Variants in SGK1 observed in about 807,000 individuals in gnomAD.
SGK1 encodes serine/threonine-protein kinase Sgk1.
In SGK1, 26 loss-of-function variants were observed where a neutral mutation model predicts 64.2. The observed-to-expected ratio is 0.40, with a 90% confidence interval of 0.30 to 0.56. The LOEUF is 0.56. Among genes scored for constraint, SGK1 ranks in the 20% least tolerant of loss-of-function variants. The pLI is 0.38. For missense variants in SGK1, 519 were observed against 645.6 expected (o/e 0.80, Z 2.12); for synonymous variants, 265 against 239.7 (o/e 1.11, Z -0.98).
intron 2 of SGK1, among the ~76,000 whole-genome samples, chr6:134,225,116 G>A (rs1460473976): frequency 6.6e-6 from 1 of 151,624 alleles, no homozygotes; most frequent in Non-Finnish European, 1.5e-5. Context: ...TTGGGAGGCC[G>A]AGGCAGGTGG....
chr6:134,294,693 C>T (rs1032784120), intron 1 of SGK1, among the ~76,000 whole-genome samples: 31 of 152,160 alleles, frequency 2.0e-4, no homozygotes, highest in Non-Finnish European at 3.7e-4. Context: ...CACCACCCCC[C>T]CAACCAGCTA....
chr6:134,303,746 T>TG (rs1027632753), intron 1 of SGK1, among the ~76,000 whole-genome samples: 4 of 150,494 alleles, frequency 2.7e-5, no homozygotes, highest in African/African-American at 9.8e-5. Context: ...ATCCAGCCAC[T>TG]GGACTCCAGC....
At chr6:134,264,721 C>A (rs912107594) in intron 1 of SGK1, among the ~76,000 whole-genome samples, 1 of 152,086 alleles carries the variant, frequency 6.6e-6, no homozygotes, top group African/African-American at 2.4e-5. Context: ...CAGCTCACTG[C>A]AGCCTTAACC....
chr6:134,175,584 C>T lies in SGK1; in HGVS notation c.362-998G>A, dbSNP rs745871016. 2.9e-5 allele frequency: 46 copies of T among 1,568,720 alleles called. No individual in the cohort carries two copies. The Admixed American group carries it at 4.2e-4, about 14-fold the overall frequency. On this transcript the variant is annotated intron_variant, in intron 3 of 13. Transcript: ENST00000367858. ...GGAAGGACTCGCTCCTTTTCTGCGC[C>T]TCGGCCCTCTTTTTGTGGCGGGGCC...
At chr6:134,311,335 T>C (rs188882858) in intron 1 of SGK1, among the ~76,000 whole-genome samples, 2 of 152,310 alleles carry the variant, frequency 1.3e-5, no homozygotes, top group Admixed American at 6.5e-5. Flanking sequence ...ACAAGGTAAC[T>C]GGTTTTCTGT....
At chr6:134,291,329 C>G (rs1777260115) in intron 1 of SGK1, among the ~76,000 whole-genome samples, 1 of 152,122 alleles carries the variant, frequency 6.6e-6, no homozygotes, top group Non-Finnish European at 1.5e-5. Context: ...GCACTAGGCC[C>G]CAACAGACCG....
chr6:134,304,470 G>A (rs928685100), intron 1 of SGK1, among the ~76,000 whole-genome samples: 2 of 152,132 alleles, frequency 1.3e-5, no homozygotes, highest in African/African-American at 2.4e-5. Context: ...AGGCCAACAA[G>A]GTGAAACCAC....
intron 2 of SGK1, among the ~76,000 whole-genome samples, chr6:134,215,748 G>A (rs148811100): frequency 0.012 from 1,834 of 152,230 alleles, 31 homozygotes; most frequent in African/African-American, 0.042. Flanking sequence ...CAGGCGTGGT[G>A]GCTCACGCCT....
intron 2 of SGK1, among the ~76,000 whole-genome samples, chr6:134,220,749 T>C (rs893840024): frequency 6.6e-6 from 1 of 152,190 alleles, no homozygotes; most frequent in Admixed American, 6.6e-5. Context: ...GATGGAGTCA[T>C]ATACTCCTCT....
chr6:134,277,053 C>CACAAAA (rs748076893), intron 1 of SGK1, among the ~76,000 whole-genome samples: 277 of 150,736 alleles, frequency 1.8e-3, no homozygotes, highest in Non-Finnish European at 3.2e-3. Context: ...CAAAAAAAAC[C>CACAAAA]ACAAAAACAA....
chr6:134,264,873 C>T lies in SGK1; in HGVS notation c.70-2725G>A, dbSNP rs568690465. 6.8e-4 allele frequency among the ~76,000 whole-genome samples: 104 copies of T among 152,122 alleles called. 1 individual carries two copies. Among genetic ancestry groups the T allele is most frequent in the Non-Finnish European group, 1.3e-3 (91 of 68,022 alleles). On this transcript the variant is annotated intron_variant, in intron 1 of 13. Coordinates refer to ENST00000367858, the MANE Select transcript of SGK1 (RefSeq NM_001143676.3). ...ATATTGCCCAGACTGGTCTTAAACT[C>T]CTGGCCTTAGGCGATCCTCCCACTT...
chr6:134,254,109 C>A (rs1776644999), intron 2 of SGK1, among the ~76,000 whole-genome samples: 1 of 129,586 alleles, frequency 7.7e-6, no homozygotes, highest in South Asian at 2.7e-4. Flanking sequence ...CTGTCCTAGT[C>A]TCTCCTTTTT....
intron 1 of SGK1, among the ~76,000 whole-genome samples, chr6:134,262,489 T>G (rs937990187): frequency 7.4e-6 from 1 of 135,924 alleles, no homozygotes; most frequent in Non-Finnish European, 1.6e-5. Context: ...CCCAGGCTGG[T>G]CTTGGTGTTA....
intron 3 of SGK1, among the ~76,000 whole-genome samples, chr6:134,195,362 G>A (rs1775580233): frequency 6.6e-6 from 1 of 152,198 alleles, no homozygotes. Context: ...CAATTGGAAA[G>A]CTTCAGAAAG....
At chr6:134,184,504 CAAAAAAAAAAAA>C (rs1162404618) in intron 3 of SGK1, among the ~76,000 whole-genome samples, 1 of 63,568 alleles carries the variant, frequency 1.6e-5, no homozygotes, top group Non-Finnish European at 2.8e-5. Flanking sequence ...GACTCCATCT[CAAAAAAAAAAAA>C]AAAAAAAAAA....
chr6:134,316,481 G>A (rs1214297779), intron 1 of SGK1, among the ~76,000 whole-genome samples: 1 of 152,080 alleles, frequency 6.6e-6, no homozygotes, highest in Non-Finnish European at 1.5e-5. Flanking sequence ...AAGAGTGTCA[G>A]TGTCATTCCT....
chr6:134,206,337 T>TGATATA (rs1775768429), intron 3 of SGK1, among the ~76,000 whole-genome samples: 2 of 111,458 alleles, frequency 1.8e-5, no homozygotes, highest in Non-Finnish European at 3.4e-5. Flanking sequence ...CTGTACCTGA[T>TGATATA]GATATATATA....
chr6:134,281,283 C>T (rs1247316945), intron 1 of SGK1, among the ~76,000 whole-genome samples: 2 of 152,096 alleles, frequency 1.3e-5, no homozygotes, highest in Non-Finnish European at 2.9e-5. Flanking sequence ...GTTGTTTCTA[C>T]CACCTATTAG....
intron 3 of SGK1, among the ~76,000 whole-genome samples, chr6:134,184,026 TCTC>T (rs1165643144): frequency 3.9e-5 from 6 of 152,010 alleles, no homozygotes; most frequent in African/African-American, 1.5e-4. Flanking sequence ...CCCTCTGACC[TCTC>T]CTCCTACCTT....
Sources: gnomAD v4.1 joint callset for allele counts (sites outside exome capture counted in the v4.1 genomes callset) on GRCh38, gnomAD v4.1.1 for gene constraint, MANE v1.5 for transcripts, NCBI Gene and HGNC (gene_info 2026-07-23, HGNC 2026-07-21) for gene names.